The following TBC1D19 variants were observed in gnomAD, a reference collection of about 807,000 sequenced individuals.
The protein encoded by TBC1D19 is TBC1 domain family, member 19.
A neutral mutation model predicts 89.0 loss-of-function variants in TBC1D19; 60 were observed. The observed-to-expected ratio is 0.67, with a 90% CI of 0.55 to 0.84. TBC1D19 has a LOEUF of 0.84. Among genes scored for constraint, TBC1D19 ranks in the 40% least tolerant of loss-of-function variants. The pLI, the probability that TBC1D19 is intolerant of heterozygous loss-of-function variation, is 0.00. For missense variants in TBC1D19, 500 were observed against 610.8 expected (o/e 0.82, Z 1.91); for synonymous variants, 189 against 199.7 (o/e 0.95, Z 0.45).
the TBC1D19 span, among the ~76,000 whole-genome samples, chr4:26,799,115 A>T: frequency 2.0e-5 from 3 of 152,222 alleles, no homozygotes; most frequent in African/African-American, 7.2e-5. Flanking sequence ...ATGATTATCC[A>T]GTCAGAAGAA....
intron 4 of TBC1D19, among the ~76,000 whole-genome samples, chr4:26,628,561 G>T (rs533356040): frequency 1.6e-4 from 24 of 152,232 alleles, no homozygotes; most frequent in African/African-American, 5.8e-4. Flanking sequence ...AAAAGAGGAA[G>T]TCAAATTGTC....
the TBC1D19 span, among the ~76,000 whole-genome samples, chr4:26,779,452 G>T: frequency 6.6e-6 from 1 of 152,230 alleles, no homozygotes; most frequent in Admixed American, 6.5e-5. Flanking sequence ...CAAGGCAAGA[G>T]TTCTTGCAAA....
intron 15 of TBC1D19, among the ~76,000 whole-genome samples, chr4:26,726,310 A>G (rs1717320379): frequency 6.6e-6 from 1 of 152,166 alleles, no homozygotes. Context: ...TAGAAGAAAA[A>G]TAATCAAAGT....
intron 1 of TBC1D19, among the ~76,000 whole-genome samples, chr4:26,585,377 G>A (rs1167996471): frequency 1.3e-5 from 2 of 151,488 alleles, no homozygotes; most frequent in African/African-American, 2.4e-5. Context: ...GTATCTTATT[G>A]TAGCTTTTAT....
intron 1 of TBC1D19, among the ~76,000 whole-genome samples, chr4:26,586,621 G>A (rs1270920142): frequency 6.6e-6 from 1 of 151,958 alleles, no homozygotes; most frequent in Non-Finnish European, 1.5e-5. Context: ...ATTTATTTAT[G>A]TTGTTTTTAT....
In TBC1D19 at chr4:26,614,398, T is replaced by TA; in HGVS notation, c.173-4dup. 2 of 1,575,490 alleles carry TA rather than the reference T, an allele frequency of 1.3e-6. No homozygotes were observed. The highest frequency in any genetic ancestry group is 1.8e-5 in the Admixed American group (1 of 56,298). ...ATGTTCATATATTTTATTCTTTTTT[T>TA]AAAAAACAGGTTGGGAGAAGAAACT... is the stretch of plus-strand genomic sequence containing the variant. On this transcript the variant is annotated splice_polypyrimidine_tract_variant and intron_variant, in intron 2 of 20. Coordinates refer to ENST00000264866, the MANE Select transcript of TBC1D19 (RefSeq NM_018317.4).
At chr4:26,716,645 C>T (rs1219456135) in intron 13 of TBC1D19, among the ~76,000 whole-genome samples, 2 of 151,836 alleles carry the variant, frequency 1.3e-5, no homozygotes, top group African/African-American at 4.8e-5. Context: ...ATTTATCTTA[C>T]AATAGTGAAA....
At chr4:26,684,924 T>C (rs1713677794) in intron 12 of TBC1D19, among the ~76,000 whole-genome samples, 2 of 152,184 alleles carry the variant, frequency 1.3e-5, no homozygotes, top group South Asian at 4.1e-4. Flanking sequence ...GGCTATGCAT[T>C]ATAAATGTAT....
chr4:26,705,493 G>A (rs906662601), intron 13 of TBC1D19, among the ~76,000 whole-genome samples: 4 of 152,060 alleles, frequency 2.6e-5, no homozygotes, highest in African/African-American at 9.7e-5. Context: ...TCATTCTTTT[G>A]CATATAGATA....
chr4:26,595,389 T>G (rs1327832747), intron 1 of TBC1D19, among the ~76,000 whole-genome samples: 1 of 152,236 alleles, frequency 6.6e-6, no homozygotes, highest in African/African-American at 2.4e-5. Flanking sequence ...TTCAATATCT[T>G]TCTAAGAGCA....
chr4:26,683,586 G>A, intron 11 of TBC1D19, 89 bp from the exon 12 acceptor site: 1 of 1,004,734 alleles, frequency 1.0e-6, no homozygotes, highest in Non-Finnish European at 1.5e-6. Flanking sequence ...GCCCTTCTTA[G>A]TGTTTAGAAT....
chr4:26,656,317 A>G (rs1196184210), intron 7 of TBC1D19, among the ~76,000 whole-genome samples: 1 of 152,034 alleles, frequency 6.6e-6, no homozygotes, highest in Non-Finnish European at 1.5e-5. Flanking sequence ...GTCATTACCC[A>G]TATTAATTGA....
At chr4:26,798,140 A>G in the TBC1D19 span, among the ~76,000 whole-genome samples, 3 of 152,206 alleles carry the variant, frequency 2.0e-5, no homozygotes, top group African/African-American at 7.2e-5. Context: ...TTTGCAAATT[A>G]TGCCTCTGAC....
the TBC1D19 span, among the ~76,000 whole-genome samples, chr4:26,786,758 T>TGGAG: frequency 8.8e-6 from 1 of 114,258 alleles, no homozygotes; most frequent in African/African-American, 3.8e-5. Context: ...GATGCCTGGA[T>TGGAG]GGATGGATGG....
chr4:26,718,142 G>A, intron 14 of TBC1D19, 125 bp downstream of exon 14: 1 of 673,778 alleles, frequency 1.5e-6, no homozygotes, highest in Non-Finnish European at 2.4e-6. Context: ...TCTCTCAGAT[G>A]ACCGTAATTA....
At chr4:26,660,272 C>T (rs565679503) in intron 8 of TBC1D19, among the ~76,000 whole-genome samples, 80 of 152,100 alleles carry the variant, frequency 5.3e-4, no homozygotes, top group Non-Finnish European at 1.0e-3. Flanking sequence ...CAATAAGGAG[C>T]GTAGAAATAT....
chr4:26,738,788 C>T (rs769440832), intron 16 of TBC1D19, among the ~76,000 whole-genome samples: 2 of 151,952 alleles, frequency 1.3e-5, no homozygotes, highest in African/African-American at 2.4e-5. Context: ...CTGTGCATTG[C>T]TGTTTATCCC....
chr4:26,646,651 A>G (rs1202636217), intron 7 of TBC1D19, among the ~76,000 whole-genome samples: 1 of 152,248 alleles, frequency 6.6e-6, no homozygotes, highest in African/African-American at 2.4e-5. Context: ...CTTTATAGCA[A>G]CATGGATGAA....
intron 7 of TBC1D19, among the ~76,000 whole-genome samples, chr4:26,642,684 C>T (rs1032991067): frequency 2.6e-5 from 4 of 152,168 alleles, no homozygotes; most frequent in Non-Finnish European, 5.9e-5. Context: ...TCAGGAGACT[C>T]ATCTCACATG....
Sources: gnomAD v4.1 joint callset for allele counts (sites outside exome capture counted in the v4.1 genomes callset) on GRCh38, gnomAD v4.1.1 for gene constraint, MANE v1.5 for transcripts, NCBI Gene and HGNC (gene_info 2026-07-23, HGNC 2026-07-21) for gene names.